The following NALF1 variants were observed in gnomAD, a reference collection of about 807,000 sequenced individuals.
The protein encoded by NALF1 is family with sequence similarity 155 member A.
Under a neutral mutation model 48.4 loss-of-function variants are expected in NALF1, and 3 were observed. That is an observed-to-expected ratio of 0.06 (90% CI 0.03 to 0.16). The LOEUF (loss-of-function observed/expected upper bound fraction) is 0.16, where lower values mean the gene tolerates loss of function less well. Ranked by LOEUF, NALF1 falls within the 10% of genes least tolerant of loss-of-function variation. The pLI, the probability that NALF1 is intolerant of heterozygous loss-of-function variation, is 1.00. For missense variants in NALF1, 526 were observed against 571.5 expected (o/e 0.92, Z 0.81); for synonymous variants, 262 against 245.7 (o/e 1.07, Z -0.62).
At chr13:107,710,685 C>G (rs142167810) in intron 1 of NALF1, among the ~76,000 whole-genome samples, 5 of 150,026 alleles carry the variant, frequency 3.3e-5, no homozygotes, top group Admixed American at 3.3e-4. Context: ...AGAATCCAAT[C>G]GCCTCCCACC....
chr13:107,379,660 G>C (rs1347145776), intron 1 of NALF1, among the ~76,000 whole-genome samples: 2 of 152,142 alleles, frequency 1.3e-5, no homozygotes, highest in Non-Finnish European at 2.9e-5. Flanking sequence ...CTGCTGCTCA[G>C]CTGTAAGCCA....
chr13:107,566,928 A>T (rs1877827869), intron 1 of NALF1, among the ~76,000 whole-genome samples: 1 of 152,206 alleles, frequency 6.6e-6, no homozygotes, highest in Non-Finnish European at 1.5e-5. Context: ...AATGTATTCA[A>T]AAGACTGCTG....
At chr13:107,238,325 G>T (rs1880395343) in intron 1 of NALF1, among the ~76,000 whole-genome samples, 1 of 152,154 alleles carries the variant, frequency 6.6e-6, no homozygotes, top group Non-Finnish European at 1.5e-5. Flanking sequence ...ACTTTGAATG[G>T]CATCCAATCA....
At chr13:107,859,184 G>C (rs766322370) in intron 1 of NALF1, among the ~76,000 whole-genome samples, 3 of 152,126 alleles carry the variant, frequency 2.0e-5, no homozygotes, top group Non-Finnish European at 2.9e-5. Flanking sequence ...AGGTGAAGAG[G>C]CTAAGTCAGC....
intron 1 of NALF1, among the ~76,000 whole-genome samples, chr13:107,828,608 CACACA>C (rs1209827689): frequency 3.2e-4 from 4 of 12,462 alleles, no homozygotes; most frequent in African/African-American, 6.4e-4. Context: ...TATATCTATA[CACACA>C]CACACACACA....
chr13:107,831,397 A>G (rs1339773120), intron 1 of NALF1, among the ~76,000 whole-genome samples: 1 of 152,208 alleles, frequency 6.6e-6, no homozygotes, highest in African/African-American at 2.4e-5. Flanking sequence ...TTAAAGAAAT[A>G]ATATATTAAA....
At position 107,422,446 on chromosome 13, in the gene NALF1, A is replaced by T. The variant is rs147485938; in HGVS notation, c.916-211691T>A. Among the ~76,000 whole-genome samples, 753 of 151,880 alleles carry T rather than the reference A, an allele frequency of 5.0e-3. 9 individuals carry two copies. Among genetic ancestry groups the T allele is most frequent in the African/African-American group, 0.017 (700 of 41,538 alleles). ...TTTCATAAAATAGAGTTTAAAAACT[A>T]CTGCATGAATAATAATAATCATAAC... On this transcript the variant is annotated intron_variant, in intron 1 of 2. Transcript: ENST00000375915.
chr13:107,619,855 A>AAC (rs1879476426), intron 1 of NALF1, among the ~76,000 whole-genome samples: 1 of 152,166 alleles, frequency 6.6e-6, no homozygotes, highest in Non-Finnish European at 1.5e-5. Flanking sequence ...TTAGCCAAAC[A>AAC]ACACAAACTG....
chr13:107,454,278 C>T (rs1348122797), intron 1 of NALF1, among the ~76,000 whole-genome samples: 3 of 152,216 alleles, frequency 2.0e-5, no homozygotes, highest in Admixed American at 1.3e-4. Context: ...AAAGAACTGC[C>T]CCAAACTGGG....
rs74112214 is a variant in NALF1 at position 107,522,333 on chromosome 13, C to T, written c.916-311578G>A. 6.0e-3 allele frequency among the ~76,000 whole-genome samples: 914 copies of T among 152,216 alleles called. 12 individuals are homozygous for T. Among genetic ancestry groups the T allele is most frequent in the African/African-American group, 0.02 (846 of 41,538 alleles). On this transcript the variant is annotated intron_variant, in intron 1 of 2. Transcript: ENST00000375915. The stretch of plus-strand genomic sequence containing the variant: ...CCCTTTCTCAATCTCTCCATATAGA[C>T]GGCTCATCTTATACCACTTCTTACA...
Position 107,781,730 on chromosome 13 carries a change from T to C in NALF1, c.915+83952A>G, listed in dbSNP as rs79457064. Reference sequence around the variant, plus strand: ...GTGCACAATCTCATTTTGAGTCAGATGTCACTGCTATACGCCTCTAAAAGC... The same window carrying C: ...GTGCACAATCTCATTTTGAGTCAGACGTCACTGCTATACGCCTCTAAAAGC... On this transcript the variant is annotated intron_variant, in intron 1 of 2. Coordinates refer to ENST00000375915, the MANE Select transcript of NALF1 (RefSeq NM_001080396.3). Among the ~76,000 whole-genome samples the C allele has an allele frequency of 5.5e-3, 833 of 152,100 alleles. 1 individual carries two copies. The highest frequency in any genetic ancestry group is 9.1e-3 in the Non-Finnish European group (622 of 67,992).
chr13:107,174,363 A>ATTT (rs376258353), intron 2 of NALF1, among the ~76,000 whole-genome samples: 69 of 144,360 alleles, frequency 4.8e-4, no homozygotes, highest in African/African-American at 1.3e-3. Flanking sequence ...TTATTTATTT[A>ATTT]TTTTTTTTTT....
At chr13:107,387,277 A>G (rs905238360) in intron 1 of NALF1, among the ~76,000 whole-genome samples, 2 of 152,158 alleles carry the variant, frequency 1.3e-5, no homozygotes, top group Non-Finnish European at 2.9e-5. Flanking sequence ...GTATGAATTG[A>G]TTTCTCTAGT....
At chr13:107,428,686 A>G (rs1024198003) in intron 1 of NALF1, among the ~76,000 whole-genome samples, 3 of 152,108 alleles carry the variant, frequency 2.0e-5, no homozygotes, top group Non-Finnish European at 4.4e-5. Flanking sequence ...ACAAAACAAA[A>G]CCAAAAAACA....
Position 107,362,394 on chromosome 13 carries a change from GAAA to G in NALF1, c.916-151642_916-151640del, listed in dbSNP as rs1566495757. 3.9e-5 allele frequency among the ~76,000 whole-genome samples: 6 copies of G among 152,184 alleles called. No homozygotes were observed. Among genetic ancestry groups the G allele is most frequent in the Non-Finnish European group, 7.3e-5 (5 of 68,042 alleles). On this transcript the variant is annotated intron_variant, in intron 1 of 2. Transcript: ENST00000375915. The surrounding 1 kb of genome is among the most constrained non-coding windows in gnomAD (Gnocchi z 4.6). ...GTGGTGTCAGGACCATGCTTCCTCT[GAAA>G]CCTGTAGAGTAGCATCTTCGCTTGC...
rs1878100162 is a variant in NALF1 at position 107,787,172 on chromosome 13, A to C, written c.915+78510T>G. On this transcript the variant is annotated intron_variant, in intron 1 of 2. Coordinates refer to ENST00000375915, the MANE Select transcript of NALF1 (RefSeq NM_001080396.3). ...AACTATCATCACTATTCATTACTGA[A>C]GATTTAAGAAAATACTTTTAACCAG... Among the ~76,000 whole-genome samples the C allele has an allele frequency of 1.3e-5, 2 of 152,212 alleles. 1 individual carries two copies. The highest frequency in any genetic ancestry group is 4.1e-4 in the South Asian group (2 of 4,834).
chr13:107,718,286 C>A (rs1052702688), intron 1 of NALF1, among the ~76,000 whole-genome samples: 1 of 152,192 alleles, frequency 6.6e-6, no homozygotes, highest in African/African-American at 2.4e-5. Flanking sequence ...ATAAGATTGT[C>A]ATGGACTTAC....
At chr13:107,395,100 G>T (rs111810635) in intron 1 of NALF1, among the ~76,000 whole-genome samples, 71 of 152,244 alleles carry the variant, frequency 4.7e-4, no homozygotes, top group African/African-American at 1.1e-3. Flanking sequence ...TGCTACATGA[G>T]AAATGAGAAT....
At chr13:107,370,806 G>C (rs546836340) in intron 1 of NALF1, among the ~76,000 whole-genome samples, 56 of 152,254 alleles carry the variant, frequency 3.7e-4, no homozygotes, top group African/African-American at 1.3e-3. Flanking sequence ...TTATAATCAT[G>C]GCGAAAGGGG....
Sources: gnomAD v4.1 joint callset for allele counts (sites outside exome capture counted in the v4.1 genomes callset) on GRCh38, gnomAD v4.1.1 for gene constraint, Gnocchi (gnomAD v3.1) non-coding constraint, MANE v1.5 for transcripts, NCBI Gene and HGNC (gene_info 2026-07-23, HGNC 2026-07-21) for gene names.